The following DNAJC3 variants were observed in gnomAD, a reference collection of about 807,000 sequenced individuals.
DNAJC3 encodes the protein dnaJ homolog subfamily C member 3.
In DNAJC3, 38 loss-of-function variants were observed where a neutral mutation model predicts 68.6. That is an observed-to-expected ratio of 0.55 (90% CI 0.43 to 0.73). DNAJC3 has a LOEUF of 0.73. Among genes scored for constraint, DNAJC3 ranks in the 30% least tolerant of loss-of-function variants. The probability of loss-of-function intolerance (pLI) is 0.00; values close to 1 mark genes in which losing one functional copy is unlikely to be tolerated. For synonymous variants in DNAJC3, 203 were observed against 204.0 expected, an observed-to-expected ratio of 1.00 and a Z score of 0.04; for missense variants, 526 against 591.9, an observed-to-expected ratio of 0.89 and a Z score of 1.16.
Position 95,791,247 on chromosome 13 carries a change from G to A in DNAJC3, c.*217G>A. The A allele has an allele frequency of 1.7e-6, 1 of 573,234 alleles. No homozygotes were observed. Among genetic ancestry groups the A allele is most frequent in the Non-Finnish European group, 3.0e-6 (1 of 331,382 alleles). The allele number at this position is 573,234 out of a possible 1,614,324, so 35.5% of individuals were successfully genotyped here. A position where few individuals can be genotyped will look rare whatever the true frequency, so the allele number is the denominator to read the frequency against. On this transcript the variant is annotated 3_prime_UTR_variant, in exon 12 of 12. Coordinates refer to ENST00000602402, the MANE Select transcript of DNAJC3 (RefSeq NM_006260.5). ...AAGGAATGGTTCTATTTCTGACAGA[G>A]CAGCCTGCATCTGCTTTATGCTGTC...
intron 9 of DNAJC3, among the ~76,000 whole-genome samples, chr13:95,766,285 A>T (rs1882990423): frequency 6.6e-6 from 1 of 152,156 alleles, no homozygotes; most frequent in Non-Finnish European, 1.5e-5. Context: ...ATCAGGAAAC[A>T]GGGGATTCCA....
intron 2 of DNAJC3, among the ~76,000 whole-genome samples, chr13:95,710,162 G>A (rs1317844268): frequency 6.6e-6 from 1 of 151,918 alleles, no homozygotes; most frequent in African/African-American, 2.4e-5. Context: ...TGTTAGGACT[G>A]TAAGAAGTGA....
chr13:95,739,575 C>T (rs1882053869), intron 4 of DNAJC3, among the ~76,000 whole-genome samples: 1 of 152,076 alleles, frequency 6.6e-6, no homozygotes, highest in African/African-American at 2.4e-5. Context: ...TCATTCATTT[C>T]ATCTTCCATC....
chr13:95,702,501 A>T (rs1880612265), intron 1 of DNAJC3, among the ~76,000 whole-genome samples: 1 of 152,190 alleles, frequency 6.6e-6, no homozygotes, highest in Admixed American at 6.5e-5. Flanking sequence ...ATCTGATGTG[A>T]CAGTATTAAG....
chr13:95,782,199 A>G (rs1883475837), intron 9 of DNAJC3, among the ~76,000 whole-genome samples: 1 of 152,162 alleles, frequency 6.6e-6, no homozygotes, highest in Non-Finnish European at 1.5e-5. Flanking sequence ...TATCCAGTCT[A>G]TCATTGATAG....
At chr13:95,701,901 A>G (rs1010392513) in intron 1 of DNAJC3, among the ~76,000 whole-genome samples, 1 of 152,206 alleles carries the variant, frequency 6.6e-6, no homozygotes, top group African/African-American at 2.4e-5. Flanking sequence ...ATTATTAAAC[A>G]TATCGCAAAG....
rs564762547 is a variant in DNAJC3, at chr13:95,680,535, A to G, written c.82+3198A>G. ...AAGTAATTTAAATAAATTAAGTATC[A>G]TAAAAGGTGGTCACATATTTTCTAG... On this transcript the variant is annotated intron_variant, in intron 1 of 11. Transcript: ENST00000602402. Among the ~76,000 whole-genome samples the G allele has an allele frequency of 8.5e-5, 13 of 152,372 alleles. No homozygotes were observed. In the East Asian group the frequency reaches 2.3e-3, roughly 27 times the overall value.
At chr13:95,698,298 T>A (rs1438728646) in intron 1 of DNAJC3, among the ~76,000 whole-genome samples, 8 of 152,152 alleles carry the variant, frequency 5.3e-5, no homozygotes, top group Admixed American at 5.2e-4. Context: ...GTGTACCTGA[T>A]CTTTGTTTAT....
intron 7 of DNAJC3, among the ~76,000 whole-genome samples, chr13:95,761,709 T>C (rs1461731514): frequency 6.6e-6 from 1 of 152,198 alleles, no homozygotes; most frequent in Non-Finnish European, 1.5e-5. Flanking sequence ...ACTTGTAGAA[T>C]TCTGTCATTT....
chr13:95,697,906 A>G (rs978987553), intron 1 of DNAJC3, among the ~76,000 whole-genome samples: 33 of 150,372 alleles, frequency 2.2e-4, no homozygotes, highest in African/African-American at 7.8e-4. Context: ...CTTCTTTACA[A>G]TTCCCACTTT....
intron 1 of DNAJC3, among the ~76,000 whole-genome samples, chr13:95,697,588 T>C (rs562066646): frequency 2.6e-5 from 4 of 152,184 alleles, no homozygotes; most frequent in Non-Finnish European, 5.9e-5. Flanking sequence ...TTTCCTGTTT[T>C]ATTTCCTCAA....
At chr13:95,729,200 TCTTTC>T (rs1881625211) in intron 4 of DNAJC3, among the ~76,000 whole-genome samples, 12 of 149,716 alleles carry the variant, frequency 8.0e-5, no homozygotes, top group African/African-American at 3.0e-4. Context: ...TCTCTCTCTC[TCTTTC>T]TCTCTCTCTT....
intron 1 of DNAJC3, among the ~76,000 whole-genome samples, chr13:95,705,334 A>AGAG (rs1880704071): frequency 6.6e-6 from 1 of 152,070 alleles, no homozygotes; most frequent in Admixed American, 6.5e-5. Flanking sequence ...CTAGTCTCTC[A>AGAG]TGGTTCAGTG....
chr13:95,786,881 C>T, intron 10 of DNAJC3, 126 bp from the exon 11 acceptor site: 1 of 1,118,010 alleles, frequency 8.9e-7, no homozygotes, highest in South Asian at 1.7e-5. Context: ...CCTGTGATAC[C>T]ATTGGAACTA....
Position 95,733,703 on chromosome 13 carries a change from CTTTTTTT to C in DNAJC3, c.393+8469_393+8475del, listed in dbSNP as rs146677839. On this transcript the variant is annotated intron_variant, in intron 4 of 11. Coordinates refer to ENST00000602402, the MANE Select transcript of DNAJC3 (RefSeq NM_006260.5). ...GTGTGAGCCACTGTGCCTGGCCTGT[CTTTTTTT>C]TTTTTTTTTTTTTTTTTAACAGTTC... is the stretch of plus-strand genomic sequence containing the variant. Among the ~76,000 whole-genome samples the C allele has an allele frequency of 7.8e-5, 8 of 102,962 alleles. No individual in the cohort carries two copies. In the East Asian group the frequency reaches 1.7e-3, roughly 22 times the overall value. The allele number at this position is 102,962 out of a possible 152,430, so 67.5% of individuals were successfully genotyped here.
intron 9 of DNAJC3, among the ~76,000 whole-genome samples, chr13:95,766,876 G>A (rs2139681015): frequency 6.6e-6 from 1 of 151,774 alleles, no homozygotes; most frequent in Middle Eastern, 3.4e-3. Context: ...TAATTTTTGT[G>A]TTTTTAATAG....
chr13:95,757,574 C>A, intron 4 of DNAJC3, 70 bp from the exon 5 acceptor site: 1 of 1,396,544 alleles, frequency 7.2e-7, no homozygotes. Context: ...AATGGTTTAC[C>A]CTTGTGTATA....
chr13:95,725,315 TTTATA>T (rs1335209269), intron 4 of DNAJC3, 63 bp downstream of exon 4: 1 of 1,266,500 alleles, frequency 7.9e-7, no homozygotes, highest in Non-Finnish European at 1.1e-6. Flanking sequence ...TTTGACCTTT[TTTATA>T]TTATGACAGT....
intron 3 of DNAJC3, among the ~76,000 whole-genome samples, 197 bp from the exon 4 acceptor site, chr13:95,724,981 A>AT (rs2139643032): frequency 6.6e-6 from 1 of 152,326 alleles, no homozygotes; most frequent in Non-Finnish European, 1.5e-5. Flanking sequence ...AACAAAAAGT[A>AT]TTTTTAAGGA....
Sources: allele counts gnomAD v4.1 joint callset (sites outside exome capture counted in the v4.1 genomes callset), GRCh38; gene constraint gnomAD v4.1.1; transcripts MANE v1.5; gene names NCBI Gene and HGNC (gene_info 2026-07-23, HGNC 2026-07-21).